ARGLU1: variants seen among roughly 807,000 people sequenced by gnomAD.
ARGLU1 encodes arginine and glutamate rich 1.
In ARGLU1, 9 loss-of-function variants were observed where a neutral mutation model predicts 37.6. The observed-to-expected ratio is 0.24, with a 90% CI of 0.14 to 0.42. The LOEUF is 0.42. Ranked by LOEUF, ARGLU1 falls within the 10% of genes least tolerant of loss-of-function variation. The pLI is 1.00. For missense variants in ARGLU1, 211 were observed against 359.2 expected (o/e 0.59, Z 3.34); for synonymous variants, 166 against 138.5 (o/e 1.20, Z -1.39).
intron 3 of ARGLU1, among the ~76,000 whole-genome samples, chr13:106,550,831 GTGTT>G (rs768215709): frequency 3.4e-4 from 51 of 152,142 alleles, no homozygotes; most frequent in Non-Finnish European, 6.3e-4. Flanking sequence ...TCAAATCTCT[GTGTT>G]TGTTTTCACA....
chr13:106,565,583 C>G (rs926634222), intron 1 of ARGLU1, among the ~76,000 whole-genome samples: 12 of 152,194 alleles, frequency 7.9e-5, no homozygotes, highest in Admixed American at 5.9e-4. Flanking sequence ...CAATAAACAT[C>G]AGTTAAATGA....
intron 3 of ARGLU1, among the ~76,000 whole-genome samples, chr13:106,547,772 T>C (rs1242509036): frequency 7.2e-6 from 1 of 138,084 alleles, no homozygotes; most frequent in African/African-American, 2.7e-5. Context: ...GAATTGGGGA[T>C]TGGGTTGGGG....
chr13:106,568,074 C>G lies in ARGLU1; in HGVS notation c.-155G>C. On this transcript the variant is annotated 5_prime_UTR_variant, in exon 1 of 4. Coordinates refer to ENST00000400198, the MANE Select transcript of ARGLU1 (RefSeq NM_018011.4). ...TTATGCCTTTTCCCGGCGTCTACAG[C>G]TGCCACGAAGGCCGCCTCCAACGAG... 2 of 1,234,678 alleles carry G rather than the reference C, an allele frequency of 1.6e-6. No homozygotes were observed. Among genetic ancestry groups the G allele is most frequent in the South Asian group, 3.5e-5 (2 of 57,750 alleles). The allele number at this position is 1,234,678 out of a possible 1,614,324, so 76.5% of individuals were successfully genotyped here.
chr13:106,555,021 A>G (rs1751674150), intron 3 of ARGLU1, among the ~76,000 whole-genome samples: 1 of 151,968 alleles, frequency 6.6e-6, no homozygotes, highest in Non-Finnish European at 1.5e-5. Context: ...TTTCCCTAAG[A>G]TATGTTTTTT....
In ARGLU1 at chr13:106,544,020, G is replaced by C. The variant is rs776901750; in HGVS notation, c.798C>G (p.Ser266=). The part of the protein sequence containing the change: ...LGKGKSRPKL[S]FSLKTQD ...TTTAATCCTGGGTTTTTAATGAGAA[G>C]GACAGTTTTGGCCTGGACTTCCCCT... The change falls in exon 4 of 4, where the codon TCC becomes TCG. Residue 266 remains serine (S), a synonymous_variant. Transcript: ENST00000400198. The C allele has an allele frequency of 6.3e-7, 1 of 1,587,866 alleles. No homozygotes were observed. Among genetic ancestry groups the C allele is most frequent in the Admixed American group, 1.8e-5 (1 of 54,342 alleles).
intron 3 of ARGLU1, among the ~76,000 whole-genome samples, chr13:106,548,409 T>C (rs1880449664): frequency 6.6e-6 from 1 of 152,188 alleles, no homozygotes; most frequent in Admixed American, 6.5e-5. Flanking sequence ...CCTGCTTGTT[T>C]CACATTTATG....
intron 1 of ARGLU1, among the ~76,000 whole-genome samples, chr13:106,564,148 T>A (rs1261765344): frequency 1.3e-5 from 2 of 152,174 alleles, no homozygotes; most frequent in African/African-American, 2.4e-5. Context: ...TATTCAAAAT[T>A]GAGGGCAAAA....
intron 3 of ARGLU1, among the ~76,000 whole-genome samples, chr13:106,556,555 C>G (rs202127507): frequency 3.3e-5 from 5 of 150,742 alleles, no homozygotes; most frequent in African/African-American, 1.2e-4. Context: ...CCCCCACCCC[C>G]ATCTTTCTAT....
chr13:106,556,667 G>T (rs1202331597), intron 3 of ARGLU1, among the ~76,000 whole-genome samples: 1 of 152,080 alleles, frequency 6.6e-6, no homozygotes, highest in African/African-American at 2.4e-5. Context: ...TCTACTCCTG[G>T]TAACAAGCCA....
intron 3 of ARGLU1, among the ~76,000 whole-genome samples, chr13:106,553,146 A>G (rs1433419613): frequency 6.6e-6 from 1 of 152,240 alleles, no homozygotes; most frequent in East Asian, 1.9e-4. Context: ...GTAGAAACTG[A>G]AGAAAAGTAT....
In ARGLU1 at chr13:106,559,447, T is replaced by A; in HGVS notation, c.558A>T (p.Ala186=). Residue 186 remains alanine (A), a synonymous_variant, in exon 2 of 4, where the codon GCA becomes GCT. Coordinates refer to ENST00000400198, the MANE Select transcript of ARGLU1 (RefSeq NM_018011.4). ...CGAGCGTTACCTCTCTAGCTTTTTG[T>A]GCGGCAAGCTCAGCTTGTCTCTGTC... ...LERQRQAELA[A]QKAREEEERA... 1 of 1,614,210 alleles carries A rather than the reference T, an allele frequency of 6.2e-7. No individual in the cohort carries two copies. The highest frequency in any genetic ancestry group is 8.5e-7 in the Non-Finnish European group (1 of 1,180,038).
chr13:106,547,988 G>GTA (rs1880436628), intron 3 of ARGLU1, among the ~76,000 whole-genome samples: 1 of 152,152 alleles, frequency 6.6e-6, no homozygotes, highest in African/African-American at 2.4e-5. Flanking sequence ...TGTTGTGTAT[G>GTA]TATGTACAGC....
chr13:106,553,465 T>TA (rs1296198528), intron 3 of ARGLU1, among the ~76,000 whole-genome samples: 25 of 152,328 alleles, frequency 1.6e-4, no homozygotes, highest in African/African-American at 5.5e-4. Context: ...GATAAATTCT[T>TA]AGACACAGAA....
In ARGLU1 at chr13:106,567,261, A is replaced by C. The variant is rs1369388476; in HGVS notation, c.347+312T>G. ...CAAGCCAACGCAGCTCTCCGACCTC[A>C]CTCCGAACTCCACCCCTACTTCCGG... On this transcript the variant is annotated intron_variant, in intron 1 of 3. Transcript: ENST00000400198. This position sits in a 1 kb window ranked among gnomAD's most constrained non-coding sequence, Gnocchi z 4.3. Among the ~76,000 whole-genome samples the C allele has an allele frequency of 1.3e-5, 2 of 151,176 alleles. No individual in the cohort carries two copies. The highest frequency in any genetic ancestry group is 4.9e-5 in the African/African-American group (2 of 41,048).
intron 1 of ARGLU1, among the ~76,000 whole-genome samples, chr13:106,561,530 A>T (rs1402417584): frequency 4.6e-5 from 7 of 152,146 alleles, no homozygotes; most frequent in Non-Finnish European, 8.8e-5. Flanking sequence ...AATATTTAAA[A>T]TTTCAAAACC....
At chr13:106,559,940 T>C (rs1418397801) in intron 1 of ARGLU1, among the ~76,000 whole-genome samples, 1 of 152,212 alleles carries the variant, frequency 6.6e-6, no homozygotes, top group Admixed American at 6.5e-5. Context: ...TTAGGAACAA[T>C]AAATCCGGAC....
Position 106,542,161 on chromosome 13 carries a change from A to T in ARGLU1, c.*1835T>A, listed in dbSNP as rs1007005368. The T allele has an allele frequency of 1.3e-5, 2 of 152,150 alleles. No individual in the cohort carries two copies. Among genetic ancestry groups the T allele is most frequent in the Non-Finnish European group, 2.9e-5 (2 of 68,012 alleles). 9.4% of individuals were successfully genotyped at this position (152,150 alleles called of 1,614,324 possible). A position where few individuals can be genotyped will look rare whatever the true frequency, so the allele number is the denominator to read the frequency against. On this transcript the variant is annotated 3_prime_UTR_variant, in exon 4 of 4. Coordinates refer to ENST00000400198, the MANE Select transcript of ARGLU1 (RefSeq NM_018011.4). ...AAAATTAAAAGGCACGCATAAGCTG[A>T]TTTCAAATATTTTAAGTCCAGGCTA...
chr13:106,542,915 C>G lies in ARGLU1; in HGVS notation c.*1081G>C, dbSNP rs1880298066. ...TACACAATGAAAATGACTCGACCAT[C>G]TTAGCCTTTTTTTGACAGTATAAAG... On this transcript the variant is annotated 3_prime_UTR_variant, in exon 4 of 4. Transcript: ENST00000400198. The G allele has an allele frequency of 1.3e-5, 2 of 152,080 alleles. No homozygotes were observed. The highest frequency in any genetic ancestry group is 3.4e-3 in the Middle Eastern group (1 of 294). The allele number at this position is 152,080 out of a possible 1,614,324, so 9.4% of individuals were successfully genotyped here.
At chr13:106,555,486 C>T (rs944232601) in intron 3 of ARGLU1, among the ~76,000 whole-genome samples, 1 of 152,154 alleles carries the variant, frequency 6.6e-6, no homozygotes, top group African/African-American at 2.4e-5. Context: ...CAATCCCCAA[C>T]AAGGACAAAT....
Sources: gnomAD v4.1 joint callset for allele counts (sites outside exome capture counted in the v4.1 genomes callset) on GRCh38, gnomAD v4.1.1 for gene constraint, Gnocchi (gnomAD v3.1) non-coding constraint, MANE v1.5 for transcripts, NCBI Gene and HGNC (gene_info 2026-07-23, HGNC 2026-07-21) for gene names.